The following RIN2 variants were observed in gnomAD, a reference collection of about 807,000 sequenced individuals.
RIN2 encodes RAB5 interacting protein 2.
In RIN2, 36 loss-of-function variants were observed where a neutral mutation model predicts 78.0. The observed-to-expected ratio is 0.46, with a 90% CI of 0.35 to 0.61. RIN2 has a LOEUF of 0.61. Among genes scored for constraint, RIN2 ranks in the 20% least tolerant of loss-of-function variants. The pLI is 0.00. For synonymous variants in RIN2, 466 were observed against 466.8 expected (o/e 1.00, Z 0.02); for missense variants, 1,087 against 1,159.7 (o/e 0.94, Z 0.91).
At chr20:19,839,212 T>C (rs1260976648) in intron 2 of RIN2, among the ~76,000 whole-genome samples, 2 of 152,238 alleles carry the variant, frequency 1.3e-5, no homozygotes, top group Non-Finnish European at 2.9e-5. Flanking sequence ...AAAGCTACTG[T>C]GCACAAAGTC....
chr20:19,918,992 G>A (rs1307948662), intron 3 of RIN2, among the ~76,000 whole-genome samples: 1 of 152,230 alleles, frequency 6.6e-6, no homozygotes, highest in African/African-American at 2.4e-5. Context: ...CTCCAATGGA[G>A]TTTCTCTGAA....
chr20:19,989,495 C>T (rs2042729350), intron 9 of RIN2, among the ~76,000 whole-genome samples: 1 of 152,058 alleles, frequency 6.6e-6, no homozygotes, highest in African/African-American at 2.4e-5. Context: ...AGGCTGGTCT[C>T]CAACTCTTGA....
At chr20:19,934,967 T>TAAA (rs370429459) in intron 3 of RIN2, 132 bp from the exon 4 acceptor site, 2 of 508,048 alleles carry the variant, frequency 3.9e-6, no homozygotes, top group Admixed American at 3.8e-5. Context: ...GAGCCAAGAT[T>TAAA]AAAAAAAAAA....
At chr20:19,974,344 G>A (rs1184818137) in intron 8 of RIN2, among the ~76,000 whole-genome samples, 1 of 152,190 alleles carries the variant, frequency 6.6e-6, no homozygotes, top group Non-Finnish European at 1.5e-5. Flanking sequence ...TTATACTGGA[G>A]CAATTCCAGT....
At chr20:19,797,401 G>C (rs2035091392) in intron 1 of RIN2, among the ~76,000 whole-genome samples, 1 of 152,080 alleles carries the variant, frequency 6.6e-6, no homozygotes. Context: ...ATTTACAATT[G>C]TGCTTGGTTT....
chr20:19,995,802 GT>G lies in RIN2; in HGVS notation c.2201-871del, dbSNP rs202163846. ...TTAAGATTTAGAAAATACTCATTGC[GT>G]TTTTTCCTTTTTACTTTTTTTTAAA... On this transcript the variant is annotated intron_variant, in intron 11 of 12. Transcript: ENST00000255006. 6.2e-3 allele frequency among the ~76,000 whole-genome samples: 943 copies of G among 152,160 alleles called. 10 individuals carry two copies. The highest frequency in any genetic ancestry group is 0.022 in the African/African-American group (900 of 41,506).
At chr20:19,950,988 C>G (rs957446536) in intron 4 of RIN2, among the ~76,000 whole-genome samples, 1 of 151,786 alleles carries the variant, frequency 6.6e-6, no homozygotes, top group Non-Finnish European at 1.5e-5. Context: ...CTCCCAAGCT[C>G]AAGCAATCCT....
chr20:19,869,850 C>T (rs536040703), intron 2 of RIN2, among the ~76,000 whole-genome samples: 3 of 146,594 alleles, frequency 2.0e-5, no homozygotes, highest in African/African-American at 2.5e-5. Flanking sequence ...GAAGGGGGTT[C>T]GCTATGTTGC....
chr20:19,973,234 T>C (rs1444821620), intron 8 of RIN2, among the ~76,000 whole-genome samples: 1 of 152,250 alleles, frequency 6.6e-6, no homozygotes, highest in African/African-American at 2.4e-5. Flanking sequence ...AGATTTGATA[T>C]TGACTTCCTC....
rs540140461 is a variant in RIN2 at position 19,935,030 on chromosome 20, TC to T, written c.58-65del. 2,330 of 1,150,692 alleles carry T rather than the reference TC, an allele frequency of 2.0e-3. 16 individuals are homozygous for T. Among genetic ancestry groups the T allele is most frequent in the Non-Finnish European group, 2.0e-3 (1,566 of 781,288 alleles). The allele number at this position is 1,150,692 out of a possible 1,614,324, so 71.3% of individuals were successfully genotyped here. A position where few individuals can be genotyped will look rare whatever the true frequency, so the allele number is the denominator to read the frequency against. On this transcript the variant is annotated intron_variant, in intron 3 of 12. Coordinates refer to ENST00000255006, the MANE Select transcript of RIN2 (RefSeq NM_018993.4). Reference sequence around the variant, plus strand: ...TCTGTTCCTATTGAAAAGCCTGAGTTCCCCGGGCGCTGTGGGCATGCCACGC... The same window carrying T: ...TCTGTTCCTATTGAAAAGCCTGAGTTCCCGGGCGCTGTGGGCATGCCACGC...
intron 5 of RIN2, among the ~76,000 whole-genome samples, chr20:19,957,346 C>T (rs765524313): frequency 6.6e-6 from 1 of 152,216 alleles, no homozygotes; most frequent in Non-Finnish European, 1.5e-5. Flanking sequence ...CTGTCCGTCC[C>T]ATCCAGACCA....
chr20:19,856,534 G>GA (rs566432595), intron 2 of RIN2, among the ~76,000 whole-genome samples: 1,805 of 85,444 alleles, frequency 0.021, 18 homozygotes, highest in African/African-American at 0.063. Context: ...CTTTGTCTCA[G>GA]AAAAAAAAAA....
At chr20:19,838,774 C>T (rs1437487556) in intron 2 of RIN2, among the ~76,000 whole-genome samples, 5 of 152,168 alleles carry the variant, frequency 3.3e-5, no homozygotes, top group Non-Finnish European at 7.3e-5. Context: ...AGTCTCTGCA[C>T]ACCTGCACTC....
At position 19,971,428 on chromosome 20, in the gene RIN2, G is replaced by A. The variant is rs572673529; in HGVS notation, c.628+499G>A. ...GTCCCCACAATTCTGCCGGACAATG[G>A]TTGACAATGGATCAAGACATACAAC... On this transcript the variant is annotated intron_variant, in intron 8 of 12. Transcript: ENST00000255006. Among the ~76,000 whole-genome samples the A allele has an allele frequency of 5.1e-4, 77 of 152,240 alleles. 3 individuals are homozygous for A. The South Asian group carries it at 0.013, about 25-fold the overall frequency.
At chr20:19,911,561 TAC>T (rs1180356850) in intron 3 of RIN2, among the ~76,000 whole-genome samples, 1 of 152,234 alleles carries the variant, frequency 6.6e-6, no homozygotes, top group Non-Finnish European at 1.5e-5. Flanking sequence ...AAAGCTATTA[TAC>T]ACACACTGAT....
chr20:19,995,688 G>A (rs552775121), intron 11 of RIN2, among the ~76,000 whole-genome samples: 4 of 151,392 alleles, frequency 2.6e-5, no homozygotes, highest in East Asian at 1.9e-4. Context: ...CCAAAGGAAG[G>A]GGGGGGTAAG....
At chr20:19,937,253 G>C (rs1302492892) in intron 4 of RIN2, among the ~76,000 whole-genome samples, 1 of 152,224 alleles carries the variant, frequency 6.6e-6, no homozygotes, top group Non-Finnish European at 1.5e-5. Context: ...GCCTGGCACA[G>C]AGCAGCAGCC....
At chr20:19,760,913 C>A (rs568524835) in intron 1 of RIN2, among the ~76,000 whole-genome samples, 2 of 152,256 alleles carry the variant, frequency 1.3e-5, no homozygotes, top group South Asian at 4.2e-4. Flanking sequence ...TCTCTTAAAG[C>A]AATACAGTGG....
intron 1 of RIN2, among the ~76,000 whole-genome samples, chr20:19,770,024 C>T (rs1389772650): frequency 1.2e-4 from 19 of 152,042 alleles, no homozygotes; most frequent in Admixed American, 1.2e-3. Context: ...GCATTTAAAC[C>T]TCTTGGTTGT....
Sources: allele counts gnomAD v4.1 joint callset (sites outside exome capture counted in the v4.1 genomes callset), GRCh38; gene constraint gnomAD v4.1.1; transcripts MANE v1.5; gene names NCBI Gene and HGNC (gene_info 2026-07-23, HGNC 2026-07-21).